SYN3: variants seen among roughly 807,000 people sequenced by gnomAD.
SYN3 encodes the protein synapsin III.
In SYN3, 35 loss-of-function variants were observed where a neutral mutation model predicts 65.8. The observed-to-expected ratio is 0.53, with a 90% confidence interval of 0.41 to 0.70. The LOEUF (loss-of-function observed/expected upper bound fraction) is 0.70, where lower values mean the gene tolerates loss of function less well. Ranked by LOEUF, SYN3 falls within the 30% of genes least tolerant of loss-of-function variation. SYN3 has a pLI of 0.00. For missense variants in SYN3, 680 were observed against 749.0 expected (o/e 0.91, Z 1.08); for synonymous variants, 270 against 292.9 (o/e 0.92, Z 0.80).
At chr22:33,019,166 A>G (rs2053520442) in intron 1 of SYN3, among the ~76,000 whole-genome samples, 1 of 152,172 alleles carries the variant, frequency 6.6e-6, no homozygotes, top group Admixed American at 6.5e-5. Flanking sequence ...ACACACTGTA[A>G]CCCAGAAATA....
chr22:32,516,020 G>C (rs766572197), intron 13 of SYN3, among the ~76,000 whole-genome samples: 2 of 152,014 alleles, frequency 1.3e-5, no homozygotes, highest in Admixed American at 6.6e-5. Context: ...GGATGGTCTC[G>C]ATCTCCTGAC....
intron 6 of SYN3, among the ~76,000 whole-genome samples, chr22:32,741,347 A>G (rs75797474): frequency 1.4e-3 from 141 of 98,692 alleles, no homozygotes; most frequent in African/African-American, 5.2e-3. Context: ...CTAGAGCCCA[A>G]TTTTTTTTTT....
chr22:32,801,862 AGG>A lies in SYN3; in HGVS notation c.711+63051_711+63052del. On this transcript the variant is annotated intron_variant, in intron 6 of 13. Coordinates refer to ENST00000358763, the MANE Select transcript of SYN3 (RefSeq NM_003490.4). The surrounding 1 kb of genome is among the most constrained non-coding windows in gnomAD (Gnocchi z 4.7). ...CCATCCCGTCCCGCCGGGCACTCGG[AGG>A]GCAGCGCGCCGGAGGCCAAGGTTGC... 1.8e-6 allele frequency: 2 copies of A among 1,102,892 alleles called. No individual in the cohort carries two copies. Among genetic ancestry groups the A allele is most frequent in the South Asian group, 3.2e-5 (1 of 31,310 alleles). 68.3% of individuals were successfully genotyped at this position (1,102,892 alleles called of 1,614,324 possible).
intron 3 of SYN3, among the ~76,000 whole-genome samples, chr22:32,966,490 G>T (rs1482324878): frequency 6.6e-6 from 1 of 152,142 alleles, no homozygotes; most frequent in Non-Finnish European, 1.5e-5. Flanking sequence ...CTTGTGTGCA[G>T]AGCTTGAGAC....
intron 6 of SYN3, among the ~76,000 whole-genome samples, chr22:32,644,564 G>T (rs1287970375): frequency 6.6e-6 from 1 of 152,188 alleles, no homozygotes. Context: ...GTGCTGGGCT[G>T]GCGGATGGAC....
chr22:32,973,115 G>A (rs2052071625), intron 3 of SYN3, among the ~76,000 whole-genome samples: 1 of 152,208 alleles, frequency 6.6e-6, no homozygotes, highest in Non-Finnish European at 1.5e-5. Context: ...GGACTGTTGT[G>A]CCTCTGGGTA....
intron 10 of SYN3, among the ~76,000 whole-genome samples, chr22:32,531,241 C>A (rs111342884): frequency 6.6e-6 from 1 of 151,284 alleles, no homozygotes; most frequent in African/African-American, 2.4e-5. Flanking sequence ...GGGACTGAGG[C>A]CTCCTGGATC....
At chr22:32,919,506 G>A (rs2050279554) in intron 4 of SYN3, among the ~76,000 whole-genome samples, 1 of 152,184 alleles carries the variant, frequency 6.6e-6, no homozygotes. Flanking sequence ...ATTTAGAAGA[G>A]GTGAAGGGAA....
At chr22:32,858,546 C>T (rs2048443543) in intron 6 of SYN3, among the ~76,000 whole-genome samples, 1 of 152,152 alleles carries the variant, frequency 6.6e-6, no homozygotes, top group Non-Finnish European at 1.5e-5. Context: ...CAAATGGGCC[C>T]AGGACTGCAG....
At chr22:32,622,882 A>C (rs1418309198) in intron 6 of SYN3, among the ~76,000 whole-genome samples, 1 of 151,998 alleles carries the variant, frequency 6.6e-6, no homozygotes, top group African/African-American at 2.4e-5. Context: ...TTTATGTAGA[A>C]GGGGAAACTG....
chr22:32,801,287 A>C lies in SYN3; in HGVS notation c.711+63628T>G, dbSNP rs988297955. 6.6e-6 allele frequency among the ~76,000 whole-genome samples: 1 copy of C among 152,220 alleles called. No homozygotes were observed. Among genetic ancestry groups the C allele is most frequent in the Admixed American group, 6.5e-5 (1 of 15,288 alleles). Reference sequence around the variant, plus strand: ...CCGCTGGTTCCACCAAGCACAGTCAAGGTCTCTAGGACATGGCCACCCCTC... The same window carrying C: ...CCGCTGGTTCCACCAAGCACAGTCACGGTCTCTAGGACATGGCCACCCCTC... On this transcript the variant is annotated intron_variant, in intron 6 of 13. Coordinates refer to ENST00000358763, the MANE Select transcript of SYN3 (RefSeq NM_003490.4). The surrounding 1 kb of genome is among the most constrained non-coding windows in gnomAD (Gnocchi z 4.7).
At chr22:32,876,595 TA>T (rs34952677) in intron 4 of SYN3, among the ~76,000 whole-genome samples, 31,708 of 139,014 alleles carry the variant, frequency 0.23, 3,380 homozygotes, top group African/African-American at 0.24. Flanking sequence ...CCTGCATTGT[TA>T]AAAAAAAAAA....
chr22:32,786,122 G>C (rs1470082464), intron 6 of SYN3, among the ~76,000 whole-genome samples: 1 of 152,150 alleles, frequency 6.6e-6, no homozygotes, highest in Admixed American at 6.5e-5. Flanking sequence ...ATTTAATTGG[G>C]ATATCTCATT....
chr22:33,013,611 T>C (rs931038720), intron 1 of SYN3, among the ~76,000 whole-genome samples: 2 of 152,188 alleles, frequency 1.3e-5, no homozygotes, highest in African/African-American at 4.8e-5. Context: ...CAATGCATTA[T>C]TTATAATGCA....
At chr22:33,010,974 C>T (rs527475651) in intron 1 of SYN3, among the ~76,000 whole-genome samples, 1 of 152,234 alleles carries the variant, frequency 6.6e-6, no homozygotes, top group East Asian at 1.9e-4. Flanking sequence ...ATTGTTGCTA[C>T]TAGTTGTTTA....
intron 3 of SYN3, among the ~76,000 whole-genome samples, chr22:32,957,799 T>G (rs1601785098): frequency 6.6e-6 from 1 of 152,214 alleles, no homozygotes; most frequent in Non-Finnish European, 1.5e-5. Context: ...ATAGGTTGTT[T>G]CCCTGATCCC....
intron 6 of SYN3, among the ~76,000 whole-genome samples, chr22:32,611,440 C>T (rs1303451439): frequency 1.3e-5 from 2 of 151,896 alleles, no homozygotes; most frequent in African/African-American, 4.8e-5. Context: ...ATTACAGTCA[C>T]GCACCACCAT....
chr22:32,630,558 G>GCT (rs753576252), intron 6 of SYN3, among the ~76,000 whole-genome samples: 5 of 152,088 alleles, frequency 3.3e-5, no homozygotes, highest in Non-Finnish European at 7.4e-5. Context: ...TTGTATCTCG[G>GCT]CTCTGCCTCT....
chr22:32,779,468 AAAAC>A (rs139502993), intron 6 of SYN3, among the ~76,000 whole-genome samples: 5,418 of 152,194 alleles, frequency 0.036, 326 homozygotes, highest in African/African-American at 0.12. Flanking sequence ...TCGAAAAACA[AAAAC>A]AAACAAACAA....
Sources: allele counts gnomAD v4.1 joint callset (sites outside exome capture counted in the v4.1 genomes callset), GRCh38; gene constraint gnomAD v4.1.1; non-coding constraint Gnocchi (gnomAD v3.1); transcripts MANE v1.5; gene names NCBI Gene and HGNC (gene_info 2026-07-23, HGNC 2026-07-21).